SAMD12: variants seen among roughly 807,000 people sequenced by gnomAD.
The protein encoded by SAMD12 is sterile alpha motif domain-containing protein 12.
SAMD12 carries 9 observed loss-of-function variants against 15.0 expected under a neutral mutation model. The observed-to-expected ratio is 0.60, with a 90% CI of 0.36 to 1.05. The LOEUF (loss-of-function observed/expected upper bound fraction) is 1.05. Among genes scored for constraint, SAMD12 ranks in the 50% least tolerant of loss-of-function variants. The probability of loss-of-function intolerance (pLI) is 0.01; values close to 1 mark genes in which losing one functional copy is unlikely to be tolerated. For missense variants in SAMD12, 230 were observed against 234.2 expected (o/e 0.98, Z 0.12); for synonymous variants, 86 against 90.1 (o/e 0.96, Z 0.25).
chr8:118,311,364 C>T (rs993705624), intron 4 of SAMD12, among the ~76,000 whole-genome samples: 2 of 152,208 alleles, frequency 1.3e-5, no homozygotes, highest in Non-Finnish European at 2.9e-5. Flanking sequence ...TATTAGAACA[C>T]AGCCAAGCAC....
intron 2 of SAMD12, among the ~76,000 whole-genome samples, chr8:118,571,467 A>G (rs1827008299): frequency 2.6e-5 from 4 of 152,334 alleles, no homozygotes; most frequent in Middle Eastern, 3.4e-3. Flanking sequence ...TTTCATCTCC[A>G]AGGAAAATGC....
At chr8:118,149,626 C>T in the SAMD12 span, among the ~76,000 whole-genome samples, 2 of 152,212 alleles carry the variant, frequency 1.3e-5, no homozygotes, top group Admixed American at 1.3e-4. Flanking sequence ...TTATTTGGTG[C>T]ATTGTCTAAG....
intron 2 of SAMD12, among the ~76,000 whole-genome samples, chr8:118,476,506 A>T (rs1014920552): frequency 6.6e-6 from 1 of 152,208 alleles, no homozygotes; most frequent in African/African-American, 2.4e-5. Context: ...GAAAGATGAG[A>T]CATCTTTAAT....
At chr8:118,578,255 C>T (rs1281183990) in intron 2 of SAMD12, among the ~76,000 whole-genome samples, 1 of 152,148 alleles carries the variant, frequency 6.6e-6, no homozygotes, top group Non-Finnish European at 1.5e-5. Context: ...TGCATTAATA[C>T]ACAGTTTCTT....
intron 2 of SAMD12, among the ~76,000 whole-genome samples, chr8:118,492,916 C>G (rs1824490931): frequency 2.6e-5 from 4 of 152,044 alleles, no homozygotes; most frequent in Admixed American, 2.6e-4. Context: ...ATTATCATAC[C>G]TTAAAATCTC....
chr8:118,513,076 G>A (rs1825132723), intron 2 of SAMD12, among the ~76,000 whole-genome samples: 1 of 151,992 alleles, frequency 6.6e-6, no homozygotes, highest in African/African-American at 2.4e-5. Flanking sequence ...CAATTTGAGG[G>A]CAGGGATCAT....
At chr8:118,375,297 T>C (rs997380728), downstream of SAMD12, among the ~76,000 whole-genome samples, 1 of 152,198 alleles carries the variant, frequency 6.6e-6, no homozygotes, top group South Asian at 2.1e-4. Context: ...CTATGCTTTT[T>C]ACTAGTTGTC....
Position 118,320,672 on chromosome 8 carries a change from T to TC in SAMD12, c.433+58887_433+58888insG, listed in dbSNP as rs532457785. ...TCACACACCGGGGCCTGTCGTGGGG[T>TC]GGGGGGGGTGGGGAGGGATAGCATT... On this transcript the variant is annotated intron_variant, in intron 4 of 4. Coordinates refer to the SAMD12 transcript ENST00000409003. Among the ~76,000 whole-genome samples, 16 of 85,312 alleles carry TC rather than the reference T, an allele frequency of 1.9e-4. No individual in the cohort carries two copies. In the East Asian group the frequency reaches 3.6e-3, roughly 19 times the overall value. The allele number at this position is 85,312 out of a possible 152,430, so 56.0% of individuals were successfully genotyped here. A position where few individuals can be genotyped will look rare whatever the true frequency, so the allele number is the denominator to read the frequency against.
rs150146865 is a variant in SAMD12, at chr8:118,422,308, C to T, written c.322+17524G>A. 7.8e-3 allele frequency among the ~76,000 whole-genome samples: 1,181 copies of T among 152,230 alleles called. 12 individuals carry two copies. The highest frequency in any genetic ancestry group is 0.011 in the Non-Finnish European group (715 of 68,010). ...TGGTGGGAGGGAGATAAACATGGAA[C>T]CAAATAACTTTAATATCGTGATAAA... On this transcript the variant is annotated intron_variant, in intron 3 of 3. Transcript: ENST00000314727.
chr8:118,568,937 T>A (rs1004781835), intron 2 of SAMD12, among the ~76,000 whole-genome samples: 8 of 152,196 alleles, frequency 5.3e-5, no homozygotes, highest in Non-Finnish European at 8.8e-5. Context: ...ATGCCAATTT[T>A]AAAAAATTCT....
chr8:118,511,772 A>G (rs148209252), intron 2 of SAMD12, among the ~76,000 whole-genome samples: 2 of 152,356 alleles, frequency 1.3e-5, no homozygotes, highest in African/African-American at 2.4e-5. Context: ...AACAGACACA[A>G]TGTGATTGTA....
the SAMD12 span, among the ~76,000 whole-genome samples, chr8:118,136,223 T>A: frequency 6.6e-6 from 1 of 151,744 alleles, no homozygotes; most frequent in Non-Finnish European, 1.5e-5. Context: ...AGAGATGGGG[T>A]TTCACCATGT....
At chr8:118,230,723 A>G (rs1027782725) in intron 4 of SAMD12, among the ~76,000 whole-genome samples, 1 of 152,122 alleles carries the variant, frequency 6.6e-6, no homozygotes, top group African/African-American at 2.4e-5. Context: ...CAGAGAAAAT[A>G]GCAAGTGGAA....
intron 2 of SAMD12, among the ~76,000 whole-genome samples, chr8:118,548,702 C>T (rs143384259): frequency 1.3e-5 from 2 of 152,170 alleles, no homozygotes; most frequent in African/African-American, 4.8e-5. Flanking sequence ...GCGCACCGTG[C>T]GCGAGCCGAA....
At chr8:118,281,795 C>G (rs1177964989) in intron 4 of SAMD12, among the ~76,000 whole-genome samples, 1 of 152,178 alleles carries the variant, frequency 6.6e-6, no homozygotes, top group Non-Finnish European at 1.5e-5. Context: ...AAAAGCCCTT[C>G]TCCAATTTCT....
intron 2 of SAMD12, 92 bp from the exon 3 acceptor site, chr8:118,440,053 A>C (rs1393849728): frequency 3.2e-6 from 4 of 1,265,170 alleles, no homozygotes; most frequent in Admixed American, 4.0e-5. Context: ...AAGGCTACAG[A>C]CTGGATTCCC....
At chr8:118,523,592 T>A (rs1330552083) in intron 2 of SAMD12, among the ~76,000 whole-genome samples, 1 of 152,154 alleles carries the variant, frequency 6.6e-6, no homozygotes, top group African/African-American at 2.4e-5. Flanking sequence ...CAATCTTCCA[T>A]GAACTGAGCT....
At chr8:118,606,775 C>A (rs1171844028) in intron 1 of SAMD12, among the ~76,000 whole-genome samples, 1 of 152,084 alleles carries the variant, frequency 6.6e-6, no homozygotes, top group Non-Finnish European at 1.5e-5. Context: ...ATCTTAAAGC[C>A]TCTGAGAGCA....
intron 1 of SAMD12, among the ~76,000 whole-genome samples, chr8:118,598,009 G>C (rs1184722179): frequency 1.3e-5 from 2 of 152,274 alleles, no homozygotes; most frequent in East Asian, 3.9e-4. Flanking sequence ...TGCCTCTTCT[G>C]TGTTATATAT....
Sources: gnomAD v4.1 joint callset for allele counts (sites outside exome capture counted in the v4.1 genomes callset) on GRCh38, gnomAD v4.1.1 for gene constraint, MANE v1.5 for transcripts, NCBI Gene and HGNC (gene_info 2026-07-23, HGNC 2026-07-21) for gene names.